The following RFC1 variants were observed in gnomAD, a reference collection of about 807,000 sequenced individuals.
The protein encoded by RFC1 is replication factor C subunit 1.
In RFC1, 37 loss-of-function variants were observed where a neutral mutation model predicts 137.4. The observed-to-expected ratio is 0.27, with a 90% CI of 0.21 to 0.35. The LOEUF (loss-of-function observed/expected upper bound fraction) is 0.35. RFC1 is among the 10% of genes least tolerant of loss of function. The probability of loss-of-function intolerance (pLI) is 1.00; values close to 1 mark genes in which losing one functional copy is unlikely to be tolerated. For missense variants in RFC1, 1,205 were observed against 1,358.5 expected (o/e 0.89, Z 1.78); for synonymous variants, 429 against 455.7 (o/e 0.94, Z 0.75).
chr4:39,315,982 G>A (rs559242394), intron 10 of RFC1, among the ~76,000 whole-genome samples: 1 of 152,324 alleles, frequency 6.6e-6, no homozygotes, highest in East Asian at 1.9e-4. Context: ...TGTAATCCCA[G>A]CACTTTGGAA....
chr4:39,299,550 T>C (rs1482380967), intron 21 of RFC1, among the ~76,000 whole-genome samples: 1 of 143,818 alleles, frequency 7.0e-6, no homozygotes, highest in Non-Finnish European at 1.5e-5. Flanking sequence ...GAGGCGGAGC[T>C]TGCAGTGAGC....
intron 9 of RFC1, among the ~76,000 whole-genome samples, chr4:39,318,327 C>T (rs1739351364): frequency 1.3e-5 from 2 of 152,210 alleles, no homozygotes; most frequent in East Asian, 3.9e-4. Flanking sequence ...ATACAGCTGC[C>T]CACACCACAT....
At chr4:39,303,232 T>C in intron 15 of RFC1, 81 bp from the exon 16 acceptor site, 1 of 888,432 alleles carries the variant, frequency 1.1e-6, no homozygotes, top group South Asian at 1.3e-5. Flanking sequence ...TAGAAAATTA[T>C]GTAACAGATA....
chr4:39,293,832 G>A (rs1230764433), intron 22 of RFC1, among the ~76,000 whole-genome samples: 1 of 152,112 alleles, frequency 6.6e-6, no homozygotes, highest in Non-Finnish European at 1.5e-5. Flanking sequence ...CTTTAAAAAC[G>A]CCAGGTAAGG....
chr4:39,348,436 A>AGGG (rs1560619947), intron 2 of RFC1, among the ~76,000 whole-genome samples: 3 of 105,052 alleles, frequency 2.9e-5, no homozygotes, highest in Admixed American at 9.3e-5. Flanking sequence ...AAAGAAAAGA[A>AGGG]AAGAAAAGAA....
At position 39,321,608 on chromosome 4, in the gene RFC1, T is replaced by C. The variant is rs1739524515; in HGVS notation, c.721-234A>G. ...GGTATAAAAATACATCTATAAAAAT[T>C]ATCTCTCTTCATCCCAACCTGTAAA... On this transcript the variant is annotated intron_variant, in intron 7 of 24. Coordinates refer to ENST00000349703, the MANE Select transcript of RFC1 (RefSeq NM_002913.5). The C allele has an allele frequency of 9.6e-6, 4 of 418,288 alleles. 1 individual carries two copies. The highest frequency in any genetic ancestry group is 1.7e-5 in the Non-Finnish European group (4 of 236,454). 25.9% of individuals were successfully genotyped at this position (418,288 alleles called of 1,614,324 possible). A position where few individuals can be genotyped will look rare whatever the true frequency, so the allele number is the denominator to read the frequency against.
At chr4:39,324,129 C>T (rs189158067) in intron 6 of RFC1, among the ~76,000 whole-genome samples, 1 of 152,112 alleles carries the variant, frequency 6.6e-6, no homozygotes, top group East Asian at 1.9e-4. Context: ...GCTGTATGCT[C>T]CCTGGTAAAA....
intron 4 of RFC1, among the ~76,000 whole-genome samples, chr4:39,328,451 A>G (rs892174571): frequency 1.3e-5 from 2 of 151,400 alleles, no homozygotes; most frequent in African/African-American, 2.4e-5. Context: ...GAAAGAATTA[A>G]AGAGTGATGA....
At chr4:39,362,013 T>C (rs1741785322) in intron 1 of RFC1, among the ~76,000 whole-genome samples, 1 of 152,002 alleles carries the variant, frequency 6.6e-6, no homozygotes, top group African/African-American at 2.4e-5. Flanking sequence ...CACCCCAGCA[T>C]GGGCAACAGA....
At chr4:39,346,726 T>C (rs552152652) in intron 2 of RFC1, among the ~76,000 whole-genome samples, 2 of 152,298 alleles carry the variant, frequency 1.3e-5, no homozygotes, top group African/African-American at 2.4e-5. Flanking sequence ...TTATAATTTA[T>C]ATATACCACT....
chr4:39,348,432 A>G (rs867904039), intron 2 of RFC1, among the ~76,000 whole-genome samples: 340 of 85,556 alleles, frequency 4.0e-3, no homozygotes, highest in Middle Eastern at 0.015. Context: ...CAAAAAAGAA[A>G]AGAAAAGAAA....
rs1457407252 is a variant in RFC1, at chr4:39,320,563, G to C, written c.915C>G (p.Asp305Glu). 6.2e-7 allele frequency: 1 copy of C among 1,613,394 alleles called. No homozygotes were observed. The highest frequency in any genetic ancestry group is 2.2e-5 in the East Asian group (1 of 44,852). The change falls in exon 9 of 25, where the codon GAC (aspartate) becomes GAG (glutamate). Residue 305 changes from aspartate (D) to glutamate (E), a missense_variant. Asp to Glu is a conservative substitution (Grantham distance 45). This residue lies in a region of RFC1 where 962 missense variants were observed against 1,035.3 expected (regional missense o/e 0.93). Coordinates refer to ENST00000349703, the MANE Select transcript of RFC1 (RefSeq NM_002913.5). ...ESQQHSKSSA[D>E]KIGEVSSPKA... ...TGGGAGAAGAGACTTCTCCTATTTT[G>C]TCAGCTGATGACTTGGAATGTTGCT...
In RFC1 at chr4:39,342,443, T is replaced by C. The variant is rs1248660560; in HGVS notation, c.233A>G (p.Gln78Arg). The part of the protein sequence containing the change: ...DSDSESEETL[Q>R]VKNAKKPPEK... Reference sequence around the variant, plus strand: ...TGGTGGCTTTTTGGCATTTTTTACCTGCAACGTCTCCTCTGACTCTGAATC... The same window carrying C: ...TGGTGGCTTTTTGGCATTTTTTACCCGCAACGTCTCCTCTGACTCTGAATC... The change falls in exon 4 of 25, where the codon CAG becomes CGG. Residue 78 changes from glutamine (Q) to arginine (R), a missense_variant. This residue lies in a region of RFC1 where 962 missense variants were observed against 1,035.3 expected (regional missense o/e 0.93). Transcript: ENST00000349703. The C allele has an allele frequency of 1.2e-6, 2 of 1,613,096 alleles. No individual in the cohort carries two copies. The highest frequency in any genetic ancestry group is 2.2e-5 in the South Asian group (2 of 91,058).
intron 4 of RFC1, chr4:39,341,524 A>T (rs999243211): frequency 6.9e-6 from 3 of 434,678 alleles, no homozygotes; most frequent in East Asian, 7.1e-5. Context: ...TCATCAACAA[A>T]TGTTTCACGT....
chr4:39,315,042 T>C (rs939919665), intron 10 of RFC1, among the ~76,000 whole-genome samples: 4 of 152,194 alleles, frequency 2.6e-5, no homozygotes, highest in African/African-American at 9.6e-5. Flanking sequence ...TCCTTCTAGC[T>C]AGAAGTCCTC....
chr4:39,353,209 T>C (rs1394185008), intron 1 of RFC1, among the ~76,000 whole-genome samples: 1 of 152,064 alleles, frequency 6.6e-6, no homozygotes, highest in African/African-American at 2.4e-5. Flanking sequence ...AAGACCAGCC[T>C]GGTCAACATG....
At chr4:39,314,370 C>G (rs577401029) in intron 10 of RFC1, among the ~76,000 whole-genome samples, 1 of 152,278 alleles carries the variant, frequency 6.6e-6, no homozygotes, top group Middle Eastern at 3.4e-3. Context: ...TCTATTATCT[C>G]CCAAATTATC....
chr4:39,341,359 T>G, intron 4 of RFC1: 1 of 336,044 alleles, frequency 3.0e-6, no homozygotes, highest in Non-Finnish European at 5.9e-6. Flanking sequence ...AGAGTTCGTT[T>G]ACACAGTGTG....
At chr4:39,354,577 G>A (rs959975117) in intron 1 of RFC1, among the ~76,000 whole-genome samples, 11 of 151,966 alleles carry the variant, frequency 7.2e-5, no homozygotes, top group African/African-American at 1.4e-4. Flanking sequence ...CATCCCTAAA[G>A]AAAGGCAGAT....
Sources: allele counts gnomAD v4.1 joint callset (sites outside exome capture counted in the v4.1 genomes callset), GRCh38; gene constraint gnomAD v4.1.1; regional missense constraint gnomAD v4.1.1; transcripts MANE v1.5; gene names NCBI Gene and HGNC (gene_info 2026-07-23, HGNC 2026-07-21).